FBXL7: variants seen among roughly 807,000 people sequenced by gnomAD.
The protein encoded by FBXL7 is F-box and leucine rich repeat protein 7, also known as F-box/LRR-repeat protein 7.
Under a neutral mutation model 38.3 loss-of-function variants are expected in FBXL7, and 12 were observed. The ratio of observed to expected loss-of-function variants is 0.31; its 90% CI spans 0.20 to 0.51. The LOEUF (loss-of-function observed/expected upper bound fraction) is 0.51, where lower values mean the gene tolerates loss of function less well. FBXL7 is among the 20% of genes least tolerant of loss of function. FBXL7 has a pLI of 0.98. For missense variants in FBXL7, 567 were observed against 676.4 expected (o/e 0.84, Z 1.79); for synonymous variants, 297 against 300.9 (o/e 0.99, Z 0.13).
intron 2 of FBXL7, among the ~76,000 whole-genome samples, chr5:15,670,658 C>G (rs567092298): frequency 6.6e-6 from 1 of 151,878 alleles, no homozygotes; most frequent in African/African-American, 2.4e-5. Flanking sequence ...ACACTTAGTC[C>G]GGTGCAATGG....
intron 2 of FBXL7, among the ~76,000 whole-genome samples, chr5:15,686,075 G>T (rs992250533): frequency 6.6e-6 from 1 of 152,100 alleles, no homozygotes; most frequent in African/African-American, 2.4e-5. Context: ...TGAGAGGTTT[G>T]GACTTCAGGG....
chr5:15,847,562 C>T (rs748586458), intron 2 of FBXL7, among the ~76,000 whole-genome samples: 3 of 152,158 alleles, frequency 2.0e-5, no homozygotes, highest in Admixed American at 6.6e-5. Context: ...ATATAATTCA[C>T]TCCTTTTAGG....
At chr5:15,809,766 A>C (rs1242108359) in intron 2 of FBXL7, among the ~76,000 whole-genome samples, 2 of 152,236 alleles carry the variant, frequency 1.3e-5, no homozygotes, top group Non-Finnish European at 2.9e-5. Flanking sequence ...ACTAAGCTAA[A>C]TGGAAGGACA....
chr5:15,873,963 C>A (rs1380437778), intron 2 of FBXL7, among the ~76,000 whole-genome samples: 2 of 151,970 alleles, frequency 1.3e-5, no homozygotes, highest in Admixed American at 6.6e-5. Flanking sequence ...GAGACACACA[C>A]AAAAAAAGAA....
intron 2 of FBXL7, among the ~76,000 whole-genome samples, chr5:15,745,535 G>A (rs1388841873): frequency 1.3e-5 from 2 of 152,160 alleles, no homozygotes; most frequent in African/African-American, 2.4e-5. Context: ...GTGAAAAAAA[G>A]TAGAATGATT....
chr5:15,828,244 A>G (rs774727182), intron 2 of FBXL7, among the ~76,000 whole-genome samples: 4 of 152,210 alleles, frequency 2.6e-5, no homozygotes, highest in Non-Finnish European at 5.9e-5. Flanking sequence ...GCTGGCTATT[A>G]TTAGTATAAG....
At chr5:15,729,804 T>G (rs1415164969) in intron 2 of FBXL7, among the ~76,000 whole-genome samples, 1 of 152,210 alleles carries the variant, frequency 6.6e-6, no homozygotes, top group Non-Finnish European at 1.5e-5. Flanking sequence ...ATATGTGATT[T>G]AATTTGATCC....
At chr5:15,564,631 A>G (rs532804777) in intron 1 of FBXL7, among the ~76,000 whole-genome samples, 9 of 152,172 alleles carry the variant, frequency 5.9e-5, no homozygotes, top group African/African-American at 2.2e-4. Flanking sequence ...AGAAAATCTT[A>G]TTTATTATTT....
intron 2 of FBXL7, among the ~76,000 whole-genome samples, chr5:15,667,370 G>A (rs1291900167): frequency 6.6e-6 from 1 of 152,134 alleles, no homozygotes; most frequent in African/African-American, 2.4e-5. Context: ...AAATAATAGT[G>A]TACTACCTGT....
Position 15,823,652 on chromosome 5 carries a change from G to C in FBXL7, c.128-104238G>C, listed in dbSNP as rs549741987. Among the ~76,000 whole-genome samples, 51 of 152,186 alleles carry C rather than the reference G, an allele frequency of 3.4e-4. 2 individuals are homozygous for C. Among genetic ancestry groups the C allele is most frequent in the African/African-American group, 1.2e-3 (48 of 41,514 alleles). ...GCTCTAGTGGCTTGAAAGCTCTTTA[G>C]CTCAGTTAACCCAGACCTGCCCTCC... On this transcript the variant is annotated intron_variant, in intron 2 of 3. Transcript: ENST00000504595.
chr5:15,561,787 T>G (rs574151497), intron 1 of FBXL7, among the ~76,000 whole-genome samples: 232 of 152,262 alleles, frequency 1.5e-3, no homozygotes, highest in African/African-American at 5.3e-3. Context: ...AGTTTTGATT[T>G]GCATTTGACT....
rs771284144 is a variant in FBXL7 at position 15,556,001 on chromosome 5, CTATCTATCT to C, written c.37+55289_37+55297del. On this transcript the variant is annotated intron_variant, in intron 1 of 3. Transcript: ENST00000504595. ...TCTATCTATCTATCTATCTATCTATCTATCTATCTATCTATCATCTATCAGTCTATCATC... is the reference window on the plus strand; with the variant it reads ...TCTATCTATCTATCTATCTATCTATCATCTATCATCTATCAGTCTATCATC... Among the ~76,000 whole-genome samples the C allele has an allele frequency of 5.5e-3, 675 of 122,512 alleles. 5 individuals carry two copies. The highest frequency in any genetic ancestry group is 0.02 in the African/African-American group (561 of 28,668). 80.4% of individuals were successfully genotyped at this position (122,512 alleles called of 152,430 possible).
At chr5:15,721,150 T>A (rs898175791) in intron 2 of FBXL7, among the ~76,000 whole-genome samples, 3 of 152,216 alleles carry the variant, frequency 2.0e-5, no homozygotes, top group African/African-American at 7.2e-5. Flanking sequence ...TTCATATACA[T>A]CTTTGAAGCT....
intron 1 of FBXL7, among the ~76,000 whole-genome samples, chr5:15,527,179 A>T (rs1737273442): frequency 6.6e-6 from 1 of 152,240 alleles, no homozygotes; most frequent in Non-Finnish European, 1.5e-5. Flanking sequence ...GCTTAAATTA[A>T]CTAAATGTAA....
chr5:15,546,117 A>G (rs564754569), intron 1 of FBXL7, among the ~76,000 whole-genome samples: 1 of 152,386 alleles, frequency 6.6e-6, no homozygotes, highest in South Asian at 2.1e-4. Flanking sequence ...AATTCAATTT[A>G]CCCTTTTACA....
intron 2 of FBXL7, among the ~76,000 whole-genome samples, chr5:15,834,245 C>T (rs1738530411): frequency 6.6e-6 from 1 of 152,140 alleles, no homozygotes; most frequent in Admixed American, 6.5e-5. Flanking sequence ...GGGAACGTAA[C>T]TTTGTTTTAA....
At chr5:15,541,179 G>T (rs2126407183) in intron 1 of FBXL7, among the ~76,000 whole-genome samples, 1 of 151,366 alleles carries the variant, frequency 6.6e-6, no homozygotes, top group Non-Finnish European at 1.5e-5. Context: ...AAATCCTCCA[G>T]CATGAATCTC....
intron 1 of FBXL7, among the ~76,000 whole-genome samples, chr5:15,520,028 T>C (rs1184473050): frequency 6.6e-6 from 1 of 152,176 alleles, no homozygotes; most frequent in Non-Finnish European, 1.5e-5. Context: ...AAACAAGTGG[T>C]GGATTATTCA....
chr5:15,513,340 AT>A lies in FBXL7; in HGVS notation c.37+12630del, dbSNP rs1222117424. Among the ~76,000 whole-genome samples the A allele has an allele frequency of 3.3e-5, 5 of 152,104 alleles. No individual in the cohort carries two copies. The East Asian group carries it at 9.6e-4, about 29-fold the overall frequency. On this transcript the variant is annotated intron_variant, in intron 1 of 3. Coordinates refer to ENST00000504595, the MANE Select transcript of FBXL7 (RefSeq NM_012304.5). Reference sequence around the variant, plus strand: ...GAAGTACAATTAAAATGAAAGTGTTATTTCTTTCTTTAATAACATGATATCC... The same window carrying A: ...GAAGTACAATTAAAATGAAAGTGTTATTCTTTCTTTAATAACATGATATCC...
Sources: allele counts gnomAD v4.1 joint callset (sites outside exome capture counted in the v4.1 genomes callset), GRCh38; gene constraint gnomAD v4.1.1; transcripts MANE v1.5; gene names NCBI Gene and HGNC (gene_info 2026-07-23, HGNC 2026-07-21).